COL26A1: variants seen among roughly 807,000 people sequenced by gnomAD.
The protein encoded by COL26A1 is collagen alpha-1(XXVI) chain.
In COL26A1, 41 loss-of-function variants were observed where a neutral mutation model predicts 59.3. That is an observed-to-expected ratio of 0.69 (90% CI 0.54 to 0.90). The LOEUF (loss-of-function observed/expected upper bound fraction) is 0.90, where lower values mean the gene tolerates loss of function less well. COL26A1 is among the 40% of genes least tolerant of loss of function. The probability of loss-of-function intolerance (pLI) is 0.00; values close to 1 mark genes in which losing one functional copy is unlikely to be tolerated. For synonymous variants in COL26A1, 266 were observed against 256.0 expected (o/e 1.04, Z -0.37); for missense variants, 612 against 602.3 (o/e 1.02, Z -0.17).
At chr7:101,512,483 C>T (rs1231439256) in intron 3 of COL26A1, among the ~76,000 whole-genome samples, 7 of 151,962 alleles carry the variant, frequency 4.6e-5, no homozygotes, top group African/African-American at 1.2e-4. Context: ...AGCCAGTGTG[C>T]GGCATGTGCC....
At chr7:101,525,658 G>A (rs139705423) in intron 3 of COL26A1, among the ~76,000 whole-genome samples, 4,294 of 146,306 alleles carry the variant, frequency 0.029, 78 homozygotes, top group Middle Eastern at 0.041. Context: ...CATCACGCCC[G>A]GCTAATTTTT....
chr7:101,450,685 TTAA>T (rs995561608), intron 3 of COL26A1, among the ~76,000 whole-genome samples: 2 of 148,388 alleles, frequency 1.3e-5, no homozygotes, highest in African/African-American at 4.9e-5. Context: ...TTGTGATATA[TTAA>T]TAATATATAT....
intron 2 of COL26A1, among the ~76,000 whole-genome samples, chr7:101,445,849 A>C (rs556023771): frequency 6.6e-6 from 1 of 151,526 alleles, no homozygotes; most frequent in East Asian, 1.9e-4. Flanking sequence ...GGAGATCAAG[A>C]GCATCCTGGC....
chr7:101,422,070 G>T (rs1341029333), intron 2 of COL26A1, among the ~76,000 whole-genome samples: 1 of 151,996 alleles, frequency 6.6e-6, no homozygotes, highest in Non-Finnish European at 1.5e-5. Context: ...CCAGCACTTT[G>T]GGAGGCTGAG....
At chr7:101,414,428 GTGTT>G (rs1211088385) in intron 1 of COL26A1, among the ~76,000 whole-genome samples, 2 of 138,578 alleles carry the variant, frequency 1.4e-5, no homozygotes, top group Admixed American at 7.2e-5. Context: ...CTCTCACTCT[GTGTT>G]TGTGTGTGTG....
intron 1 of COL26A1, among the ~76,000 whole-genome samples, chr7:101,368,289 G>C (rs4729698): frequency 0.58 from 88,019 of 151,840 alleles, 27,076 homozygotes; most frequent in African/African-American, 0.8. Flanking sequence ...TGATCATTGC[G>C]TATGTCATTC....
chr7:101,537,883 C>T (rs1269864619), intron 4 of COL26A1, among the ~76,000 whole-genome samples: 1 of 152,144 alleles, frequency 6.6e-6, no homozygotes, highest in East Asian at 1.9e-4. Flanking sequence ...GGACCACCCC[C>T]TGTTAAATAT....
At chr7:101,491,160 T>C (rs1213734988) in intron 3 of COL26A1, among the ~76,000 whole-genome samples, 1 of 151,548 alleles carries the variant, frequency 6.6e-6, no homozygotes, top group African/African-American at 2.4e-5. Flanking sequence ...TTGTGCATGC[T>C]CCCCCCTGCA....
rs60343304 is a variant in COL26A1 at position 101,446,046 on chromosome 7, C to CAAAAAAAAA, written c.282-1622_282-1614dup. On this transcript the variant is annotated intron_variant, in intron 2 of 12. Transcript: ENST00000313669. The stretch of plus-strand genomic sequence containing the variant: ...CTGATGACAGAGCAAGACTCCGTCT[C>CAAAAAAAAA]AAAAAAAAAAAAAAAAAAAAAAAAG... 1.2e-4 allele frequency among the ~76,000 whole-genome samples: 6 copies of CAAAAAAAAA among 50,994 alleles called. 2 individuals are homozygous for CAAAAAAAAA. The highest frequency in any genetic ancestry group is 2.3e-4 in the Non-Finnish European group (6 of 26,454). The allele number at this position is 50,994 out of a possible 152,430, so 33.5% of individuals were successfully genotyped here. A position where few individuals can be genotyped will look rare whatever the true frequency, so the allele number is the denominator to read the frequency against.
chr7:101,520,662 A>ACACACACACACACACACACACC (rs915256077), intron 3 of COL26A1, among the ~76,000 whole-genome samples: 53 of 143,352 alleles, frequency 3.7e-4, no homozygotes, highest in African/African-American at 8.5e-4. Flanking sequence ...ACACACACAC[A>ACACACACACACACACACACACC]CCCCCGTGTT....
chr7:101,549,750 G>T (rs1584507092), intron 9 of COL26A1, among the ~76,000 whole-genome samples: 1 of 152,214 alleles, frequency 6.6e-6, no homozygotes, highest in Non-Finnish European at 1.5e-5. Flanking sequence ...TGCCAGGGAG[G>T]TGTTAGCATC....
In COL26A1 at chr7:101,555,811, G is replaced by A. The variant is rs1276100509; in HGVS notation, c.1105G>A (p.Glu369Lys). 9 of 1,611,442 alleles carry A rather than the reference G, an allele frequency of 5.6e-6. No individual in the cohort carries two copies. The highest frequency in any genetic ancestry group is 1.3e-5 in the African/African-American group (1 of 74,878). ...AEGEGVQQLREALKILAERVL... is the reference protein window; with the variant it reads ...AEGEGVQQLRKALKILAERVL... ...GGGCGAGGGGGTGCAGCAGCTGAGA[G>A]AGGCCCTGAAGATCCTGGCAGAGCG... Residue 369 changes from glutamate to lysine, a missense_variant, in exon 12 of 13, where the codon GAG becomes AAG. Glu to Lys is a moderately conservative substitution (Grantham distance 56). Coordinates refer to ENST00000313669, the MANE Select transcript of COL26A1 (RefSeq NM_001278563.3).
intron 3 of COL26A1, among the ~76,000 whole-genome samples, chr7:101,475,322 C>T (rs1444904635): frequency 6.6e-6 from 1 of 151,602 alleles, no homozygotes; most frequent in Non-Finnish European, 1.5e-5. Flanking sequence ...AGGGAGGGCA[C>T]CTCTGGGGTA....
intron 2 of COL26A1, among the ~76,000 whole-genome samples, chr7:101,431,309 C>T (rs1172822438): frequency 1.3e-5 from 2 of 151,890 alleles, no homozygotes; most frequent in Admixed American, 6.6e-5. Context: ...CTGGAGTGCA[C>T]TGGTGCAGTC....
intron 3 of COL26A1, among the ~76,000 whole-genome samples, chr7:101,499,397 C>T (rs1584465104): frequency 6.6e-6 from 1 of 151,926 alleles, no homozygotes; most frequent in Non-Finnish European, 1.5e-5. Context: ...TAAAAATTAG[C>T]CATGGCCGGG....
intron 3 of COL26A1, among the ~76,000 whole-genome samples, chr7:101,510,706 G>C (rs567405918): frequency 1.6e-4 from 25 of 151,784 alleles, no homozygotes; most frequent in Non-Finnish European, 2.5e-4. Flanking sequence ...ATGAGGCTGG[G>C]AGGGGGTCTC....
intron 3 of COL26A1, among the ~76,000 whole-genome samples, chr7:101,511,283 G>T (rs1443459960): frequency 6.6e-6 from 1 of 152,202 alleles, no homozygotes; most frequent in Non-Finnish European, 1.5e-5. Flanking sequence ...CCCTCTCCCT[G>T]CCTCCCTTGG....
At chr7:101,428,816 A>AT (rs1354408604) in intron 2 of COL26A1, among the ~76,000 whole-genome samples, 3 of 151,912 alleles carry the variant, frequency 2.0e-5, no homozygotes, top group African/African-American at 7.3e-5. Flanking sequence ...CCCGCAAATA[A>AT]TTTTATCCCA....
At chr7:101,555,671 G>A in intron 11 of COL26A1, 116 bp from the exon 12 acceptor site, 1 of 654,376 alleles carries the variant, frequency 1.5e-6, no homozygotes, top group African/African-American at 1.8e-5. Flanking sequence ...GAGGGTGTCG[G>A]GTGGGAAGAG....
Sources: gnomAD v4.1 joint callset for allele counts (sites outside exome capture counted in the v4.1 genomes callset) on GRCh38, gnomAD v4.1.1 for gene constraint, MANE v1.5 for transcripts, NCBI Gene and HGNC (gene_info 2026-07-23, HGNC 2026-07-21) for gene names.